Variants in MAP2 observed in about 807,000 individuals in gnomAD.
The protein encoded by MAP2 is microtubule associated protein 2.
In MAP2, 14 loss-of-function variants were observed where a neutral mutation model predicts 137.6. The observed-to-expected ratio is 0.10, with a 90% CI of 0.07 to 0.16. MAP2 has a LOEUF of 0.16. MAP2 is among the 10% of genes least tolerant of loss of function. MAP2 has a pLI of 1.00. For synonymous variants in MAP2, 786 were observed against 782.3 expected (o/e 1.00, Z -0.08); for missense variants, 2,088 against 2,191.5 (o/e 0.95, Z 0.94).
intron 6 of MAP2, among the ~76,000 whole-genome samples, chr2:209,680,081 C>A (rs1034197932): frequency 1.3e-5 from 2 of 152,080 alleles, no homozygotes; most frequent in Non-Finnish European, 1.5e-5. Flanking sequence ...TGAATTACAT[C>A]TTTTAGAACC....
chr2:209,551,944 C>T (rs2069266007), intron 2 of MAP2, among the ~76,000 whole-genome samples: 1 of 152,146 alleles, frequency 6.6e-6, no homozygotes, highest in South Asian at 2.1e-4. Context: ...AAACTGAAGA[C>T]TCATCCCAAA....
At chr2:209,559,812 G>A (rs2071585850) in intron 2 of MAP2, among the ~76,000 whole-genome samples, 2 of 151,750 alleles carry the variant, frequency 1.3e-5, no homozygotes, top group African/African-American at 4.9e-5. Context: ...TGCCAGTCCT[G>A]GAGTCAGCCA....
intron 2 of MAP2, among the ~76,000 whole-genome samples, chr2:209,512,746 A>G (rs2061917591): frequency 1.3e-5 from 2 of 152,070 alleles, no homozygotes; most frequent in South Asian, 2.1e-4. Context: ...AGCTCAAGTG[A>G]TTCTCCTGCC....
intron 13 of MAP2, among the ~76,000 whole-genome samples, chr2:209,720,057 C>T (rs551346561): frequency 2.0e-5 from 3 of 152,236 alleles, no homozygotes; most frequent in Non-Finnish European, 4.4e-5. Context: ...TAAATGTAAA[C>T]ACAGGCCTTA....
intron 7 of MAP2, among the ~76,000 whole-genome samples, chr2:209,691,919 A>G (rs1174850011): frequency 6.6e-6 from 1 of 152,240 alleles, no homozygotes; most frequent in Admixed American, 6.5e-5. Flanking sequence ...TAAATATGTA[A>G]TAGAAACTGG....
rs530199840 is a variant in MAP2, at chr2:209,560,023, G to A, written c.-171-20013G>A. ...TTACTTGGAACAATGCCAAATAGGA[G>A]CACCAATATAAATCTGTGTGCAGGG... is the stretch of plus-strand genomic sequence containing the variant. On this transcript the variant is annotated intron_variant, in intron 2 of 15. Transcript: ENST00000682079. Among the ~76,000 whole-genome samples the A allele has an allele frequency of 6.7e-4, 102 of 152,298 alleles. 1 individual carries two copies. The South Asian group carries it at 0.019, about 28-fold the overall frequency.
At chr2:209,652,166 A>G (rs1033133433) in intron 4 of MAP2, among the ~76,000 whole-genome samples, 3 of 152,196 alleles carry the variant, frequency 2.0e-5, no homozygotes, top group African/African-American at 7.2e-5. Context: ...ACTTGGTAAT[A>G]TCAGCTTGTA....
At position 209,517,819 on chromosome 2, in the gene MAP2, A is replaced by G. The variant is rs564550850; in HGVS notation, c.-172+10178A>G. Among the ~76,000 whole-genome samples the G allele has an allele frequency of 4.6e-5, 7 of 151,988 alleles. No homozygotes were observed. The South Asian group carries it at 1.2e-3, about 27-fold the overall frequency. ...GTATGCTCAAAAAATAGAAAAGTAT[A>G]TACAAAGAAATACAAGCCATGAGGT... On this transcript the variant is annotated intron_variant, in intron 2 of 15. Transcript: ENST00000682079.
At chr2:209,644,754 T>A (rs983945590) in intron 4 of MAP2, among the ~76,000 whole-genome samples, 10 of 151,798 alleles carry the variant, frequency 6.6e-5, no homozygotes, top group African/African-American at 2.4e-4. Flanking sequence ...TATATTGCTA[T>A]CATGGTTTGG....
intron 3 of MAP2, among the ~76,000 whole-genome samples, chr2:209,611,373 A>G (rs558014875): frequency 2.0e-5 from 3 of 152,234 alleles, no homozygotes; most frequent in East Asian, 1.9e-4. Flanking sequence ...AAGGTAACAT[A>G]GTAAATAACA....
chr2:209,430,867 T>C (rs1261545216), intron 1 of MAP2, among the ~76,000 whole-genome samples: 1 of 152,212 alleles, frequency 6.6e-6, no homozygotes, highest in African/African-American at 2.4e-5. Context: ...CTGAATCTCT[T>C]ATAAAACAAC....
intron 5 of MAP2, among the ~76,000 whole-genome samples, chr2:209,658,202 A>C (rs2041811836): frequency 6.6e-6 from 1 of 152,168 alleles, no homozygotes; most frequent in Admixed American, 6.5e-5. Context: ...TATTTTAGAA[A>C]ATGGAAAGTG....
intron 2 of MAP2, among the ~76,000 whole-genome samples, chr2:209,570,217 A>C (rs567092434): frequency 8.6e-5 from 13 of 151,990 alleles, no homozygotes; most frequent in African/African-American, 2.4e-4. Flanking sequence ...TTCTGTGTTT[A>C]ATTTATCTCT....
At chr2:209,560,261 C>A (rs1275966055) in intron 2 of MAP2, among the ~76,000 whole-genome samples, 4 of 151,804 alleles carry the variant, frequency 2.6e-5, no homozygotes, top group Middle Eastern at 3.2e-3. Flanking sequence ...GAAATCTTTT[C>A]AAAAAAATGA....
In MAP2 at chr2:209,705,690, C is replaced by G; in HGVS notation, c.4695C>G (p.Leu1565=). 6.2e-7 allele frequency: 1 copy of G among 1,613,096 alleles called. No homozygotes were observed. Among genetic ancestry groups the G allele is most frequent in the Non-Finnish European group, 8.5e-7 (1 of 1,179,288 alleles). The part of the protein sequence containing the change: ...SGDRDENSFS[L]NSSISSSARR... Reference sequence around the variant, plus strand: ...ACAGAGATGAGAATTCCTTCTCTCTCAACAGTTCTATCTCTTCTTCAGCAC... The same window carrying G: ...ACAGAGATGAGAATTCCTTCTCTCTGAACAGTTCTATCTCTTCTTCAGCAC... Residue 1565 remains leucine (L), a synonymous_variant, in exon 12 of 16, where the codon CTC becomes CTG. Coordinates refer to ENST00000682079, the MANE Select transcript of MAP2 (RefSeq NM_001375505.1).
intron 5 of MAP2, among the ~76,000 whole-genome samples, chr2:209,659,540 A>T (rs912204928): frequency 6.6e-6 from 1 of 152,206 alleles, no homozygotes; most frequent in Non-Finnish European, 1.5e-5. Flanking sequence ...CAATTCTTCT[A>T]TTCCAGAACT....
rs1169483182 is a variant in MAP2 at position 209,696,200 on chromosome 2, A to G, written c.4030A>G (p.Lys1344Glu). The G allele has an allele frequency of 1.9e-6, 3 of 1,613,776 alleles. No homozygotes were observed. Among genetic ancestry groups the G allele is most frequent in the Non-Finnish European group, 2.5e-6 (3 of 1,179,902 alleles). The change falls in exon 8 of 16, where the codon AAA becomes GAA. Residue 1344 changes from lysine to glutamate, a missense_variant. Coordinates refer to ENST00000682079, the MANE Select transcript of MAP2 (RefSeq NM_001375505.1). ...EEAAEAQAEPKDGSPEAPASP... is the reference protein window; with the variant it reads ...EEAAEAQAEPEDGSPEAPASP... Reference sequence around the variant, plus strand: ...GGCAGCTGAAGCCCAGGCAGAACCCAAAGATGGTTCCCCAGAGGCTCCAGC... The same window carrying G: ...GGCAGCTGAAGCCCAGGCAGAACCCGAAGATGGTTCCCCAGAGGCTCCAGC...
At chr2:209,646,163 T>C (rs368369919) in intron 4 of MAP2, among the ~76,000 whole-genome samples, 175 of 152,168 alleles carry the variant, frequency 1.2e-3, no homozygotes, top group African/African-American at 4.0e-3. Flanking sequence ...ATCATTGCAC[T>C]GAAGCCTGGG....
intron 4 of MAP2, among the ~76,000 whole-genome samples, chr2:209,637,065 C>T (rs978908926): frequency 6.6e-6 from 1 of 152,094 alleles, no homozygotes; most frequent in African/African-American, 2.4e-5. Flanking sequence ...AAGCTCAGAA[C>T]CTACCTGAAT....
Sources: gnomAD v4.1 joint callset for allele counts (sites outside exome capture counted in the v4.1 genomes callset) on GRCh38, gnomAD v4.1.1 for gene constraint, MANE v1.5 for transcripts, NCBI Gene and HGNC (gene_info 2026-07-23, HGNC 2026-07-21) for gene names.